Variants in GALNTL6 observed in about 807,000 individuals in gnomAD.
GALNTL6 encodes the protein polypeptide N-acetylgalactosaminyltransferase-like 6.
A neutral mutation model predicts 73.7 loss-of-function variants in GALNTL6; 46 were observed. The observed-to-expected ratio is 0.62, with a 90% CI of 0.49 to 0.80. The LOEUF (loss-of-function observed/expected upper bound fraction) is 0.80. Among genes scored for constraint, GALNTL6 ranks in the 30% least tolerant of loss-of-function variants. The pLI is 0.00. For missense variants in GALNTL6, 604 were observed against 755.0 expected (o/e 0.80, Z 2.34); for synonymous variants, 259 against 263.7 (o/e 0.98, Z 0.17).
intron 2 of GALNTL6, among the ~76,000 whole-genome samples, chr4:171,964,972 C>G (rs958311245): frequency 1.3e-5 from 2 of 152,196 alleles, no homozygotes; most frequent in Admixed American, 6.5e-5. Flanking sequence ...TCAGTGATGT[C>G]TTTGTTGTGA....
intron 12 of GALNTL6, among the ~76,000 whole-genome samples, chr4:173,035,824 A>G (rs1007938980): frequency 6.6e-5 from 10 of 152,214 alleles, no homozygotes; most frequent in Admixed American, 6.5e-4. Context: ...CTATTTTGCC[A>G]GGACTTCAGA....
intron 3 of GALNTL6, among the ~76,000 whole-genome samples, chr4:172,285,330 T>C (rs972090242): frequency 1.3e-5 from 2 of 152,176 alleles, no homozygotes; most frequent in Non-Finnish European, 2.9e-5. Context: ...TAGATCAGAT[T>C]CTGATATGCA....
intron 7 of GALNTL6, among the ~76,000 whole-genome samples, chr4:172,827,807 TAAAG>T (rs1171314228): frequency 1.3e-5 from 2 of 152,052 alleles, no homozygotes; most frequent in African/African-American, 4.8e-5. Context: ...ACAAGAAAAA[TAAAG>T]AAGAAAAATT....
intron 7 of GALNTL6, among the ~76,000 whole-genome samples, chr4:172,859,133 G>A (rs1375843033): frequency 6.6e-6 from 1 of 151,780 alleles, no homozygotes; most frequent in East Asian, 1.9e-4. Flanking sequence ...CAACAGAAGT[G>A]GACTCAAACC....
rs1240540334 is a variant in GALNTL6 at position 172,765,900 on chromosome 4, T to C, written c.554-43461T>C. On this transcript the variant is annotated intron_variant, in intron 5 of 12. Transcript: ENST00000506823. The stretch of plus-strand genomic sequence containing the variant: ...AAAAAAAGCATATAAAATAACCATA[T>C]TTTTTAAAAAAAGAAAAGACACCAT... 7.2e-5 allele frequency among the ~76,000 whole-genome samples: 11 copies of C among 152,130 alleles called. No homozygotes were observed. In the East Asian group the frequency reaches 2.1e-3, roughly 29 times the overall value.
intron 2 of GALNTL6, among the ~76,000 whole-genome samples, chr4:171,940,862 A>AATAAATAAATAAATAT (rs1738517714): frequency 7.0e-6 from 1 of 143,122 alleles, no homozygotes; most frequent in Non-Finnish European, 1.5e-5. Context: ...TAAATAAATA[A>AATAAATAAATAAATAT]ATATATAAGT....
At chr4:172,751,444 CAACT>C (rs1222987192) in intron 5 of GALNTL6, among the ~76,000 whole-genome samples, 18 of 152,184 alleles carry the variant, frequency 1.2e-4, no homozygotes, top group African/African-American at 4.3e-4. Flanking sequence ...AAAATATCAC[CAACT>C]ATTTCACTAA....
intron 2 of GALNTL6, among the ~76,000 whole-genome samples, chr4:172,156,002 G>T (rs565715394): frequency 6.6e-6 from 1 of 152,026 alleles, no homozygotes; most frequent in Non-Finnish European, 1.5e-5. Flanking sequence ...CTCTTGTATC[G>T]GTTGGAACCC....
intron 5 of GALNTL6, among the ~76,000 whole-genome samples, chr4:172,786,311 G>A (rs1241092146): frequency 6.6e-6 from 1 of 152,118 alleles, no homozygotes; most frequent in Non-Finnish European, 1.5e-5. Flanking sequence ...GAAGTAGTTT[G>A]CAAAATATAA....
At chr4:172,464,047 T>G (rs1409673171) in intron 5 of GALNTL6, among the ~76,000 whole-genome samples, 1 of 152,154 alleles carries the variant, frequency 6.6e-6, no homozygotes, top group Non-Finnish European at 1.5e-5. Context: ...TTTGTTTGTC[T>G]TTTTCTTTTC....
At chr4:172,679,951 A>G (rs972649792) in intron 5 of GALNTL6, among the ~76,000 whole-genome samples, 26 of 151,732 alleles carry the variant, frequency 1.7e-4, no homozygotes, top group African/African-American at 6.3e-4. Flanking sequence ...TTCATTTTCA[A>G]TGCTTACCAC....
At chr4:172,895,767 T>A (rs779166607) in intron 8 of GALNTL6, among the ~76,000 whole-genome samples, 14 of 152,180 alleles carry the variant, frequency 9.2e-5, no homozygotes, top group Non-Finnish European at 1.8e-4. Context: ...TTTGCCCTTT[T>A]GATGTTGTCC....
chr4:172,955,402 C>T (rs574716140), intron 10 of GALNTL6, among the ~76,000 whole-genome samples: 1 of 151,780 alleles, frequency 6.6e-6, no homozygotes, highest in East Asian at 1.9e-4. Context: ...CGCTTGAACC[C>T]GGGAGGTGCC....
At chr4:172,055,564 C>A (rs1008184803) in intron 2 of GALNTL6, among the ~76,000 whole-genome samples, 2 of 151,922 alleles carry the variant, frequency 1.3e-5, no homozygotes, top group Non-Finnish European at 2.9e-5. Context: ...TTTTTCCCAC[C>A]CTTTTCCCAA....
intron 3 of GALNTL6, among the ~76,000 whole-genome samples, chr4:172,277,263 CA>C (rs10645932): frequency 5.0e-4 from 73 of 145,340 alleles, no homozygotes; most frequent in East Asian, 3.8e-3. Flanking sequence ...ATAAAAAATG[CA>C]AAAAAAAAAA....
intron 2 of GALNTL6, among the ~76,000 whole-genome samples, chr4:171,995,937 T>TA (rs1431214816): frequency 6.6e-6 from 1 of 152,016 alleles, no homozygotes; most frequent in Non-Finnish European, 1.5e-5. Context: ...TTGTACAGAA[T>TA]AAAGAGCCAA....
intron 5 of GALNTL6, among the ~76,000 whole-genome samples, chr4:172,424,551 C>A (rs1333250240): frequency 2.0e-5 from 3 of 152,098 alleles, no homozygotes; most frequent in Non-Finnish European, 4.4e-5. Flanking sequence ...AAATGTGTTT[C>A]TAACTCATGT....
intron 10 of GALNTL6, among the ~76,000 whole-genome samples, chr4:172,953,212 G>A (rs1270425503): frequency 6.6e-6 from 1 of 152,160 alleles, no homozygotes; most frequent in Admixed American, 6.5e-5. Context: ...TCTATCTTTT[G>A]GCATAGAAAA....
intron 3 of GALNTL6, among the ~76,000 whole-genome samples, chr4:172,246,880 A>G (rs183484714): frequency 9.3e-5 from 14 of 151,160 alleles, no homozygotes; most frequent in African/African-American, 2.4e-4. Context: ...TAATGCCAGT[A>G]CTGTAACTTT....
Sources: allele counts gnomAD v4.1 joint callset (sites outside exome capture counted in the v4.1 genomes callset), GRCh38; gene constraint gnomAD v4.1.1; transcripts MANE v1.5; gene names NCBI Gene and HGNC (gene_info 2026-07-23, HGNC 2026-07-21).